KMT2C: variants seen among roughly 807,000 people sequenced by gnomAD.
KMT2C encodes lysine methyltransferase 2C, also known as histone-lysine N-methyltransferase 2C.
KMT2C carries 88 observed loss-of-function variants against 507.9 expected under a neutral mutation model. That is an observed-to-expected ratio of 0.17 (90% CI 0.15 to 0.21). The LOEUF (loss-of-function observed/expected upper bound fraction) is 0.21. Among genes scored for constraint, KMT2C ranks in the 10% least tolerant of loss-of-function variants. KMT2C has a pLI of 1.00. For synonymous variants in KMT2C, 2,049 were observed against 2,080.8 expected (o/e 0.98, Z 0.42); for missense variants, 4,954 against 5,957.8 (o/e 0.83, Z 5.55).
rs971101000 is a variant in KMT2C at position 152,213,347 on chromosome 7, G to C, written c.3713-5919C>G. 2.0e-5 allele frequency among the ~76,000 whole-genome samples: 3 copies of C among 152,124 alleles called. No individual in the cohort carries two copies. The East Asian group carries it at 5.8e-4, about 29-fold the overall frequency. Reference sequence around the variant, plus strand: ...AAAGTGATAGTTAACAAAACAGTATGGTACTGGCATAAAAACAGACACATG... The same window carrying C: ...AAAGTGATAGTTAACAAAACAGTATCGTACTGGCATAAAAACAGACACATG... On this transcript the variant is annotated intron_variant, in intron 23 of 58. Coordinates refer to ENST00000262189, the MANE Select transcript of KMT2C (RefSeq NM_170606.3).
At chr7:152,294,022 CTTTT>C (rs5888465) in intron 6 of KMT2C, among the ~76,000 whole-genome samples, 28 of 133,164 alleles carry the variant, frequency 2.1e-4, no homozygotes, top group African/African-American at 7.5e-4. Flanking sequence ...CCACACCTGC[CTTTT>C]TTTTTTTTTT....
intron 23 of KMT2C, among the ~76,000 whole-genome samples, chr7:152,208,770 C>G (rs928607512): frequency 5.9e-5 from 9 of 152,156 alleles, no homozygotes; most frequent in African/African-American, 2.2e-4. Flanking sequence ...ATGGCATGAA[C>G]AGGGTATTTG....
intron 14 of KMT2C, among the ~76,000 whole-genome samples, chr7:152,247,550 TGTTA>T (rs1481529970): frequency 7.9e-5 from 12 of 152,310 alleles, no homozygotes; most frequent in Admixed American, 3.3e-4. Flanking sequence ...AAATAATAGA[TGTTA>T]GTTACTGTAT....
intron 28 of KMT2C, chr7:152,195,572 A>G (rs955456270): frequency 1.1e-5 from 11 of 984,344 alleles, no homozygotes; most frequent in Non-Finnish European, 1.3e-5. Context: ...ATCAAGACCT[A>G]TAAGACCCAA....
chr7:152,330,265 A>G (rs1016106592), intron 3 of KMT2C, among the ~76,000 whole-genome samples: 1 of 152,166 alleles, frequency 6.6e-6, no homozygotes, highest in East Asian at 1.9e-4. Context: ...AAAACTATCA[A>G]CTTAAGTTTA....
intron 1 of KMT2C, among the ~76,000 whole-genome samples, chr7:152,399,383 T>TA (rs1330900956): frequency 3.9e-5 from 6 of 152,144 alleles, no homozygotes; most frequent in East Asian, 3.9e-4. Context: ...AAATTATTAT[T>TA]AAAAAACAAA....
intron 43 of KMT2C, among the ~76,000 whole-genome samples, chr7:152,160,287 A>G (rs1158983452): frequency 6.6e-6 from 1 of 152,200 alleles, no homozygotes; most frequent in Non-Finnish European, 1.5e-5. Flanking sequence ...CCAGGGCGGC[A>G]GCAGCATCTA....
At chr7:152,299,319 A>AAAATAAATAAATAAATAAATAAAT (rs71294474) in intron 6 of KMT2C, among the ~76,000 whole-genome samples, 8 of 146,764 alleles carry the variant, frequency 5.5e-5, no homozygotes, top group African/African-American at 2.1e-4. Flanking sequence ...TCTATCTCAA[A>AAAATAAATAAATAAATAAATAAAT]AAATAAATAA....
intron 54 of KMT2C, 43 bp downstream of exon 54, chr7:152,145,110 C>G (rs777717184): frequency 6.3e-7 from 1 of 1,593,062 alleles, no homozygotes. Flanking sequence ...ACTAATACGC[C>G]TAGAAACCCT....
chr7:152,362,237 A>G (rs560425091), intron 1 of KMT2C, among the ~76,000 whole-genome samples: 9 of 152,348 alleles, frequency 5.9e-5, no homozygotes, highest in African/African-American at 1.4e-4. Flanking sequence ...AACCATACAG[A>G]TATCTGGGAG....
At chr7:152,391,650 C>T (rs2097499734) in intron 1 of KMT2C, among the ~76,000 whole-genome samples, 2 of 151,732 alleles carry the variant, frequency 1.3e-5, no homozygotes, top group African/African-American at 2.4e-5. Context: ...AATTCTCCTA[C>T]CTCAGCCTCC....
At chr7:152,368,569 G>A in intron 1 of KMT2C, 1 of 1,401,806 alleles carries the variant, frequency 7.1e-7, no homozygotes, top group Non-Finnish European at 1.0e-6. Flanking sequence ...GTTTGAGGAT[G>A]AGAAGGCAAA....
chr7:152,328,089 A>G (rs1371911308), intron 3 of KMT2C, among the ~76,000 whole-genome samples: 1 of 152,196 alleles, frequency 6.6e-6, no homozygotes, highest in Non-Finnish European at 1.5e-5. Context: ...CAGAGTTCAC[A>G]TGACAGTCAA....
In KMT2C at chr7:152,163,343, G is replaced by A. The variant is rs567984906; in HGVS notation, c.10234C>T (p.Arg3412Trp). Residue 3412 changes from arginine (R) to tryptophan (W), a missense_variant, in exon 43 of 59, where the codon CGG (arginine) becomes TGG (tryptophan). Physicochemically the swap from Arg to Trp is moderately radical, Grantham distance 101. This residue lies in a region of KMT2C where 801 missense variants were observed against 751.2 expected (regional missense o/e 1.07). Transcript: ENST00000262189. ...ERLREQQERQRIQLMQEVDRQ... is the reference protein window; with the variant it reads ...ERLREQQERQWIQLMQEVDRQ... ...TCTACCTCCTGCATGAGTTGGATCC[G>A]TTGTCTCTCTTGCTGTTCTCGTAAA... 17 of 1,614,144 alleles carry A rather than the reference G, an allele frequency of 1.1e-5. No individual in the cohort carries two copies. The highest frequency in any genetic ancestry group is 4.0e-5 in the African/African-American group (3 of 75,030).
intron 1 of KMT2C, among the ~76,000 whole-genome samples, chr7:152,381,171 T>C (rs947985868): frequency 6.6e-6 from 1 of 152,214 alleles, no homozygotes; most frequent in African/African-American, 2.4e-5. Flanking sequence ...TACTCATTTA[T>C]TCAACAAATA....
chr7:152,379,307 A>C (rs2097352058), intron 1 of KMT2C, among the ~76,000 whole-genome samples: 1 of 151,956 alleles, frequency 6.6e-6, no homozygotes, highest in Non-Finnish European at 1.5e-5. Flanking sequence ...TCGGGAGTCC[A>C]AGGCAGGCAG....
intron 38 of KMT2C, 47 bp from the exon 39 acceptor site, chr7:152,174,289 C>T (rs763384195): frequency 3.2e-5 from 29 of 903,666 alleles, no homozygotes; most frequent in Middle Eastern, 4.4e-4. Flanking sequence ...ATTAGTTCAA[C>T]GTACACTAAG....
intron 11 of KMT2C, 74 bp from the exon 12 acceptor site, chr7:152,251,040 T>G: frequency 2.4e-6 from 2 of 825,468 alleles, no homozygotes; most frequent in South Asian, 3.0e-5. Flanking sequence ...CAATTATGAT[T>G]TTGTATGAGT....
At chr7:152,175,503 TTCCCC>T (rs2093163925) in intron 38 of KMT2C, among the ~76,000 whole-genome samples, 1 of 146,254 alleles carries the variant, frequency 6.8e-6, no homozygotes, top group Non-Finnish European at 1.5e-5. Context: ...GTGTGTGATG[TTCCCC>T]TCCCTGTGTC....
Sources: gnomAD v4.1 joint callset for allele counts (sites outside exome capture counted in the v4.1 genomes callset) on GRCh38, gnomAD v4.1.1 for gene constraint, gnomAD v4.1.1 regional missense constraint, MANE v1.5 for transcripts, NCBI Gene and HGNC (gene_info 2026-07-23, HGNC 2026-07-21) for gene names.